PER2: variants seen among roughly 807,000 people sequenced by gnomAD.
PER2 encodes the protein period circadian regulator 2.
A neutral mutation model predicts 121.0 loss-of-function variants in PER2; 66 were observed. The ratio of observed to expected loss-of-function variants is 0.55; its 90% confidence interval spans 0.45 to 0.67. PER2 has a LOEUF of 0.67. Ranked by LOEUF, PER2 falls within the 30% of genes least tolerant of loss-of-function variation. The pLI is 0.00. For synonymous variants in PER2, 684 were observed against 659.9 expected (o/e 1.04, Z -0.56); for missense variants, 1,521 against 1,635.0 (o/e 0.93, Z 1.20).
chr2:238,296,669 G>A, the PER2 span, among the ~76,000 whole-genome samples: 1 of 2,708 alleles, frequency 3.7e-4, no homozygotes, highest in Non-Finnish European at 8.1e-4. Context: ...AGAGTCAGTC[G>A]TGTGCCCTCC....
chr2:238,271,258 C>T, intron 6 of PER2, 54 bp downstream of exon 6: 2 of 1,509,118 alleles, frequency 1.3e-6, no homozygotes, highest in Non-Finnish European at 1.8e-6. Context: ...GGGCCCAGCT[C>T]CTGGCCCCTT....
chr2:238,274,445 C>T (rs905239537), intron 4 of PER2, among the ~76,000 whole-genome samples: 1 of 152,230 alleles, frequency 6.6e-6, no homozygotes, highest in Non-Finnish European at 1.5e-5. Context: ...TTCAGTTTTG[C>T]CACCTTCAGT....
chr2:238,271,552 TG>T (rs1559332613), intron 5 of PER2, 39 bp from the exon 6 acceptor site: 1 of 1,514,680 alleles, frequency 6.6e-7, no homozygotes, highest in Admixed American at 1.7e-5. Flanking sequence ...CAAGGTCAGA[TG>T]GTGTCGGACG....
intron 9 of PER2, among the ~76,000 whole-genome samples, chr2:238,263,601 A>G (rs1696001578): frequency 6.6e-6 from 1 of 151,982 alleles, no homozygotes; most frequent in Non-Finnish European, 1.5e-5. Flanking sequence ...GCTTTGCTCC[A>G]TTGCAGGACG....
rs750429201 is a variant in PER2 at position 238,258,505 on chromosome 2, G to A, written c.1767C>T (p.Ser589=). 7 of 1,614,072 alleles carry A rather than the reference G, an allele frequency of 4.3e-6. No homozygotes were observed. Among genetic ancestry groups the A allele is most frequent in the South Asian group, 3.3e-5 (3 of 91,090 alleles). The part of the protein sequence containing the change: ...CSYQQISCLD[S]VIRYLESCNE... ...TGGAAATGCCGGCATACCTGATGAC[G>A]CTGTCCAAGCAGCTGATCTGCTGGT... Residue 589 remains serine (S), a synonymous_variant, in exon 15 of 23, where the codon AGC becomes AGT. Coordinates refer to ENST00000254657, the MANE Select transcript of PER2 (RefSeq NM_022817.3).
At chr2:238,293,745 AAAAG>A (rs1394340481), upstream of PER2, among the ~76,000 whole-genome samples, 90 of 151,778 alleles carry the variant, frequency 5.9e-4, 1 homozygote, top group Admixed American at 3.5e-3. Context: ...AAAAAAAAAA[AAAAG>A]AAAGAAAAAG....
chr2:238,261,533 GGAGA>G (rs1695931853), intron 12 of PER2, 192 bp downstream of exon 12: 2 of 627,142 alleles, frequency 3.2e-6, no homozygotes, highest in Admixed American at 2.2e-5. Flanking sequence ...ATGCAAGGCT[GGAGA>G]GAGCCAAGGG....
intron 20 of PER2, 87 bp from the exon 21 acceptor site, chr2:238,250,830 T>A: frequency 2.1e-6 from 2 of 934,468 alleles, no homozygotes; most frequent in Admixed American, 1.9e-5. Flanking sequence ...TCAGAATGAT[T>A]TGAGAGAGCC....
At chr2:238,296,782 G>A in the PER2 span, among the ~76,000 whole-genome samples, 11 of 152,224 alleles carry the variant, frequency 7.2e-5, no homozygotes, top group Non-Finnish European at 1.5e-4. Context: ...GCGGCCCCAG[G>A]GGGGGTTCCC....
intron 9 of PER2, 22 bp from the exon 10 acceptor site, chr2:238,263,080 G>T: frequency 2.9e-6 from 4 of 1,359,926 alleles, no homozygotes; most frequent in Non-Finnish European, 3.2e-6. Flanking sequence ...GCAGACACAC[G>T]CTAGGATTGG....
At chr2:238,283,198 T>G (rs1022976180) in intron 1 of PER2, among the ~76,000 whole-genome samples, 4 of 152,222 alleles carry the variant, frequency 2.6e-5, no homozygotes, top group Admixed American at 2.0e-4. Context: ...AAATGGACCT[T>G]TCTGAAGTTG....
At chr2:238,278,831 G>T (rs996410482) in intron 1 of PER2, among the ~76,000 whole-genome samples, 1 of 152,174 alleles carries the variant, frequency 6.6e-6, no homozygotes, top group Non-Finnish European at 1.5e-5. Context: ...GGATGGAGAG[G>T]GGCCAGGACA....
the PER2 span, among the ~76,000 whole-genome samples, chr2:238,298,031 CTTTT>C: frequency 2.3e-5 from 3 of 128,386 alleles, no homozygotes; most frequent in Non-Finnish European, 3.2e-5. Context: ...AGCTTTTGTT[CTTTT>C]TTTTTTTTTT....
chr2:238,297,710 G>A, the PER2 span, among the ~76,000 whole-genome samples: 3 of 152,220 alleles, frequency 2.0e-5, no homozygotes, highest in Admixed American at 1.3e-4. Context: ...CTGGGTGGCT[G>A]TCACTGCTGG....
rs758811895 is a variant in PER2, at chr2:238,246,358, C to G, written c.*17G>C. 6.3e-7 allele frequency: 1 copy of G among 1,581,944 alleles called. No individual in the cohort carries two copies. The highest frequency in any genetic ancestry group is 8.6e-7 in the Non-Finnish European group (1 of 1,161,080). ...CTGGTGTACCTCGCTGGCTGCCGGGCTGAGGTGGGGCAGGGGTTACGTCTG... is the reference window on the plus strand; with the variant it reads ...CTGGTGTACCTCGCTGGCTGCCGGGGTGAGGTGGGGCAGGGGTTACGTCTG... On this transcript the variant is annotated 3_prime_UTR_variant, in exon 23 of 23. Coordinates refer to ENST00000254657, the MANE Select transcript of PER2 (RefSeq NM_022817.3).
intron 3 of PER2, among the ~76,000 whole-genome samples, chr2:238,276,633 G>A (rs544569454): frequency 6.6e-6 from 1 of 152,334 alleles, no homozygotes; most frequent in African/African-American, 2.4e-5. Flanking sequence ...ATTAATTGAG[G>A]ATACAGAGAT....
intron 1 of PER2, among the ~76,000 whole-genome samples, chr2:238,287,662 C>T (rs1156395958): frequency 6.6e-6 from 1 of 152,242 alleles, no homozygotes; most frequent in Non-Finnish European, 1.5e-5. Flanking sequence ...TGGGCCTGGG[C>T]CTCAGTTTGC....
rs750735313 is a variant in PER2 at position 238,260,959 on chromosome 2, G to T, written c.1417-6C>A. The T allele has an allele frequency of 2.5e-6, 4 of 1,612,058 alleles. No individual in the cohort carries two copies. In the South Asian group the frequency reaches 4.4e-5, roughly 18 times the overall value. The stretch of plus-strand genomic sequence containing the variant: ...GAGCCGCTGTGGGGGACGGGCTGGG[G>T]AGACAGCAGACAGCGCTACAGACAC... On this transcript the variant is annotated splice_region_variant and splice_polypyrimidine_tract_variant and intron_variant, in intron 12 of 22. Transcript: ENST00000254657.
rs910416277 is a variant in PER2, at chr2:238,245,748, C to A, written c.*627G>T. 2 of 398,152 alleles carry A rather than the reference C, an allele frequency of 5.0e-6. No homozygotes were observed. Among genetic ancestry groups the A allele is most frequent in the Non-Finnish European group, 8.9e-6 (2 of 225,956 alleles). 24.7% of individuals were successfully genotyped at this position (398,152 alleles called of 1,614,324 possible). A position where few individuals can be genotyped will look rare whatever the true frequency, so the allele number is the denominator to read the frequency against. On this transcript the variant is annotated 3_prime_UTR_variant, in exon 23 of 23. Coordinates refer to ENST00000254657, the MANE Select transcript of PER2 (RefSeq NM_022817.3). The stretch of plus-strand genomic sequence containing the variant: ...CCAGAGCAAATGTTTCAACTTTGTT[C>A]ACTACAAACAAAACCTATGTCAGAC...
Sources: allele counts gnomAD v4.1 joint callset (sites outside exome capture counted in the v4.1 genomes callset), GRCh38; gene constraint gnomAD v4.1.1; transcripts MANE v1.5; gene names NCBI Gene and HGNC (gene_info 2026-07-23, HGNC 2026-07-21).